PTPN9: variants seen among roughly 807,000 people sequenced by gnomAD.
PTPN9 encodes the protein tyrosine-protein phosphatase non-receptor type 9.
PTPN9 carries 26 observed loss-of-function variants against 69.8 expected under a neutral mutation model. The observed-to-expected ratio is 0.37, with a 90% CI of 0.27 to 0.52. The LOEUF is 0.52. Ranked by LOEUF, PTPN9 falls within the 20% of genes least tolerant of loss-of-function variation. The pLI, the probability that PTPN9 is intolerant of heterozygous loss-of-function variation, is 0.91. For missense variants in PTPN9, 549 were observed against 740.3 expected (o/e 0.74, Z 3.00); for synonymous variants, 274 against 272.5 (o/e 1.01, Z -0.05).
chr15:75,553,840 T>C (rs2075065416), intron 1 of PTPN9, among the ~76,000 whole-genome samples: 2 of 151,996 alleles, frequency 1.3e-5, no homozygotes, highest in Admixed American at 1.3e-4. Context: ...ACTGAATTAA[T>C]CCTGAGTCTG....
rs975713130 is a variant in PTPN9, at chr15:75,480,713, G to A, written c.1063-799C>T. 19 of 1,315,778 alleles carry A rather than the reference G, an allele frequency of 1.4e-5. No homozygotes were observed. The African/African-American group carries it at 1.8e-4, about 12-fold the overall frequency. The allele number at this position is 1,315,778 out of a possible 1,614,324, so 81.5% of individuals were successfully genotyped here. On this transcript the variant is annotated intron_variant, in intron 8 of 12. Transcript: ENST00000618819. ...CCGCAGCCACCGCCGCCCCACAGCC[G>A]GGAGGATGGAGTTCAGCGGGCAGCG...
chr15:75,554,175 T>G (rs1282838934), intron 1 of PTPN9, among the ~76,000 whole-genome samples: 1 of 150,596 alleles, frequency 6.6e-6, no homozygotes, highest in African/African-American at 2.4e-5. Context: ...TATGCCACCA[T>G]GCCCGGCTGA....
intron 7 of PTPN9, among the ~76,000 whole-genome samples, chr15:75,496,431 G>C (rs1005134080): frequency 2.0e-5 from 3 of 151,408 alleles, no homozygotes; most frequent in African/African-American, 7.3e-5. Flanking sequence ...TAGTCAAAAT[G>C]AAAGTGGAGA....
Position 75,480,674 on chromosome 15 carries a change from G to C in PTPN9, c.1063-760C>G, listed in dbSNP as rs1026163727. 51 of 1,255,576 alleles carry C rather than the reference G, an allele frequency of 4.1e-5. No individual in the cohort carries two copies. The East Asian group carries it at 1.9e-3, about 46-fold the overall frequency. 77.8% of individuals were successfully genotyped at this position (1,255,576 alleles called of 1,614,324 possible). On this transcript the variant is annotated intron_variant, in intron 8 of 12. Transcript: ENST00000618819. ...CCAGCTGCAGATATGAAGCGGAGCC[G>C]CTGCCGCGACCGACCGCAGCCACCG...
At chr15:75,517,651 T>C (rs1376908139) in intron 4 of PTPN9, among the ~76,000 whole-genome samples, 1 of 152,202 alleles carries the variant, frequency 6.6e-6, no homozygotes, top group East Asian at 1.9e-4. Flanking sequence ...CCTCTGAATC[T>C]ACCTACCCAA....
At chr15:75,524,395 C>A in intron 2 of PTPN9, 97 bp from the exon 3 acceptor site, 2 of 614,518 alleles carry the variant, frequency 3.3e-6, no homozygotes, top group Non-Finnish European at 5.8e-6. Context: ...AGGTGGTTAT[C>A]AATGAATGAA....
At chr15:75,523,085 C>A (rs2074912151) in intron 4 of PTPN9, 36 bp downstream of exon 4, 1 of 1,604,588 alleles carries the variant, frequency 6.2e-7, no homozygotes, top group Non-Finnish European at 8.5e-7. Flanking sequence ...TTCCTACCTG[C>A]ATGTAGAATA....
Position 75,479,343 on chromosome 15 carries a change from C to T in PTPN9, c.1129+505G>A, listed in dbSNP as rs191596032. Among the ~76,000 whole-genome samples, 2 of 152,232 alleles carry T rather than the reference C, an allele frequency of 1.3e-5. 1 individual carries two copies. The highest frequency in any genetic ancestry group is 1.3e-4 in the Admixed American group (2 of 15,276). ...AAAAATGAGAAATCCTCCTAGAGCT[C>T]AGTATTCCACTGTCAGACTTATTAG... On this transcript the variant is annotated intron_variant, in intron 9 of 12. Transcript: ENST00000618819.
At chr15:75,480,662 T>A (rs1280196157) in intron 8 of PTPN9, 1 of 1,242,698 alleles carries the variant, frequency 8.0e-7, no homozygotes, top group African/African-American at 1.6e-5. Context: ...GCTGCAGATA[T>A]GAAGCGGAGC....
At chr15:75,564,320 T>C (rs1333396474) in intron 1 of PTPN9, among the ~76,000 whole-genome samples, 2 of 151,946 alleles carry the variant, frequency 1.3e-5, no homozygotes, top group East Asian at 3.9e-4. Context: ...ATTGGCCAGG[T>C]GCGGTGGCTC....
chr15:75,503,856 G>C (rs2074793320), intron 7 of PTPN9, among the ~76,000 whole-genome samples: 1 of 109,644 alleles, frequency 9.1e-6, no homozygotes, highest in Non-Finnish European at 2.0e-5. Context: ...AGGGAGGTGA[G>C]GGGGGGTCAG....
At chr15:75,529,354 C>T (rs1239350938) in intron 1 of PTPN9, among the ~76,000 whole-genome samples, 1 of 152,144 alleles carries the variant, frequency 6.6e-6, no homozygotes, top group Non-Finnish European at 1.5e-5. Context: ...TCCCTTCCAT[C>T]CAGAAACTTT....
chr15:75,546,487 T>C (rs2141332927), intron 1 of PTPN9, among the ~76,000 whole-genome samples: 1 of 151,566 alleles, frequency 6.6e-6, no homozygotes, highest in South Asian at 2.1e-4. Flanking sequence ...ACTAAAAGCA[T>C]AAAAAATAAG....
At chr15:75,508,295 C>A (rs188914190) in intron 6 of PTPN9, among the ~76,000 whole-genome samples, 1 of 152,044 alleles carries the variant, frequency 6.6e-6, no homozygotes, top group South Asian at 2.1e-4. Flanking sequence ...TGGCCTCAAG[C>A]GATCTTCCCG....
chr15:75,568,343 T>TA, intron 1 of PTPN9, among the ~76,000 whole-genome samples: 1 of 147,706 alleles, frequency 6.8e-6, no homozygotes, highest in East Asian at 2.1e-4. Context: ...AAATAAAAAA[T>TA]AAAAAATCTA....
At chr15:75,519,167 G>A (rs2074888610) in intron 4 of PTPN9, among the ~76,000 whole-genome samples, 1 of 152,126 alleles carries the variant, frequency 6.6e-6, no homozygotes, top group Admixed American at 6.6e-5. Context: ...GGAGTGCAAC[G>A]GCGGGATCTC....
intron 6 of PTPN9, among the ~76,000 whole-genome samples, chr15:75,507,698 C>T (rs985446811): frequency 2.0e-5 from 3 of 151,842 alleles, no homozygotes; most frequent in South Asian, 2.1e-4. Flanking sequence ...ACCTGGGAGG[C>T]GGAGCTTGCA....
intron 7 of PTPN9, among the ~76,000 whole-genome samples, chr15:75,495,963 C>G (rs1341966783): frequency 6.8e-6 from 1 of 146,654 alleles, no homozygotes; most frequent in Admixed American, 6.8e-5. Context: ...CATGGCGAAA[C>G]CCCATCTCTA....
At chr15:75,475,996 A>C (rs1180216439) in intron 9 of PTPN9, among the ~76,000 whole-genome samples, 2 of 152,088 alleles carry the variant, frequency 1.3e-5, no homozygotes, top group Non-Finnish European at 2.9e-5. Flanking sequence ...AAAACTAGCC[A>C]GGTGTAGTAG....
Sources: allele counts gnomAD v4.1 joint callset (sites outside exome capture counted in the v4.1 genomes callset), GRCh38; gene constraint gnomAD v4.1.1; transcripts MANE v1.5; gene names NCBI Gene and HGNC (gene_info 2026-07-23, HGNC 2026-07-21).